The following DNAJC1 variants were observed in gnomAD, a reference collection of about 807,000 sequenced individuals.
DNAJC1 encodes the protein dnaJ homolog subfamily C member 1.
DNAJC1 carries 58 observed loss-of-function variants against 76.6 expected under a neutral mutation model. That is an observed-to-expected ratio of 0.76 (90% CI 0.61 to 0.94). The LOEUF is 0.94. Among genes scored for constraint, DNAJC1 ranks in the 40% least tolerant of loss-of-function variants. DNAJC1 has a pLI of 0.00. For missense variants in DNAJC1, 689 were observed against 677.3 expected (o/e 1.02, Z -0.19); for synonymous variants, 258 against 267.9 (o/e 0.96, Z 0.36).
intron 3 of DNAJC1, among the ~76,000 whole-genome samples, chr10:21,922,655 G>T (rs1269754822): frequency 6.6e-6 from 1 of 151,866 alleles, no homozygotes; most frequent in East Asian, 1.9e-4. Context: ...TATAAATACT[G>T]ATTCATTTTA....
intron 8 of DNAJC1, among the ~76,000 whole-genome samples, chr10:21,811,126 A>G (rs1367996878): frequency 6.6e-6 from 1 of 152,000 alleles, no homozygotes; most frequent in Non-Finnish European, 1.5e-5. Context: ...CCTTTGATAC[A>G]CTCACTCGGG....
At chr10:21,941,023 G>A (rs1219384570) in intron 1 of DNAJC1, among the ~76,000 whole-genome samples, 1 of 150,702 alleles carries the variant, frequency 6.6e-6, no homozygotes, top group African/African-American at 2.4e-5. Flanking sequence ...AGGCCAAGGC[G>A]GGCGGATCAC....
At chr10:21,888,069 G>A (rs1836396311) in intron 7 of DNAJC1, among the ~76,000 whole-genome samples, 1 of 152,046 alleles carries the variant, frequency 6.6e-6, no homozygotes, top group African/African-American at 2.4e-5. Context: ...TAAAAAGTGG[G>A]CAAATGACAT....
chr10:21,813,204 CTCTCTCTCTCTCTCTCTATATA>C (rs1276849424), intron 8 of DNAJC1, among the ~76,000 whole-genome samples: 12 of 77,188 alleles, frequency 1.6e-4, no homozygotes, highest in Admixed American at 5.3e-4. Flanking sequence ...CTCTCTCTCT[CTCTCTCTCTCTCTCTCTATATA>C]TATATATATA....
chr10:21,830,030 G>T (rs931619398), intron 8 of DNAJC1, among the ~76,000 whole-genome samples: 1 of 152,104 alleles, frequency 6.6e-6, no homozygotes, highest in Non-Finnish European at 1.5e-5. Context: ...TTAAATACAA[G>T]AATCCTAAAA....
intron 11 of DNAJC1, among the ~76,000 whole-genome samples, chr10:21,757,560 A>G (rs1834190711): frequency 6.6e-6 from 1 of 152,232 alleles, no homozygotes; most frequent in African/African-American, 2.4e-5. Context: ...TGGTGTTATG[A>G]GAGTCTCTTC....
At chr10:21,772,426 T>C (rs1262665354) in intron 9 of DNAJC1, among the ~76,000 whole-genome samples, 2 of 152,064 alleles carry the variant, frequency 1.3e-5, no homozygotes, top group South Asian at 4.1e-4. Context: ...TCTATTAAAA[T>C]GGTCTGTTTC....
At chr10:21,837,109 C>T (rs1393363225) in intron 8 of DNAJC1, among the ~76,000 whole-genome samples, 3 of 152,186 alleles carry the variant, frequency 2.0e-5, no homozygotes, top group South Asian at 4.1e-4. Context: ...GATGGGGTTT[C>T]GCTGTGTTGG....
chr10:21,868,250 G>A (rs908907929), intron 8 of DNAJC1, among the ~76,000 whole-genome samples: 2 of 149,946 alleles, frequency 1.3e-5, no homozygotes, highest in Admixed American at 6.6e-5. Flanking sequence ...TCAGCCTCCC[G>A]AGTAGCTGGG....
intron 8 of DNAJC1, among the ~76,000 whole-genome samples, chr10:21,832,514 C>A (rs1463744363): frequency 6.6e-6 from 1 of 152,066 alleles, no homozygotes; most frequent in South Asian, 2.1e-4. Context: ...CTAACCATGC[C>A]CCATATTTTT....
intron 8 of DNAJC1, among the ~76,000 whole-genome samples, chr10:21,815,768 C>T (rs920427122): frequency 6.7e-6 from 1 of 150,216 alleles, no homozygotes; most frequent in Non-Finnish European, 1.5e-5. Flanking sequence ...TTTTTTGAGA[C>T]GGAGTTTCCC....
rs867773208 is a variant in DNAJC1 at position 22,003,593 on chromosome 10, G to A, written c.-159C>T. 1.2e-4 allele frequency: 107 copies of A among 879,196 alleles called. No homozygotes were observed. The highest frequency in any genetic ancestry group is 4.1e-4 in the Middle Eastern group (1 of 2,464). 54.5% of individuals were successfully genotyped at this position (879,196 alleles called of 1,614,324 possible). On this transcript the variant is annotated 5_prime_UTR_variant, in exon 1 of 12. Coordinates refer to ENST00000376980, the MANE Select transcript of DNAJC1 (RefSeq NM_022365.4). The stretch of plus-strand genomic sequence containing the variant: ...AGGTGGCTGGCCCCAGACAGAGCGC[G>A]GAGGCGGCGGGAGCCGGCTGCCGGA...
At chr10:21,981,155 T>C (rs1838150046) in intron 1 of DNAJC1, among the ~76,000 whole-genome samples, 1 of 152,202 alleles carries the variant, frequency 6.6e-6, no homozygotes, top group South Asian at 2.1e-4. Flanking sequence ...TCATCTTTAC[T>C]GAAGTCAAAC....
intron 1 of DNAJC1, among the ~76,000 whole-genome samples, chr10:21,937,701 A>G (rs539534765): frequency 7.9e-5 from 12 of 152,268 alleles, no homozygotes; most frequent in Non-Finnish European, 1.8e-4. Flanking sequence ...GCCAAGATAT[A>G]CCCTATTTTA....
intron 1 of DNAJC1, among the ~76,000 whole-genome samples, chr10:21,994,553 C>A (rs551464558): frequency 6.6e-6 from 1 of 152,064 alleles, no homozygotes; most frequent in African/African-American, 2.4e-5. Flanking sequence ...CTTTGGGAGG[C>A]CGAGACAGGT....
intron 3 of DNAJC1, among the ~76,000 whole-genome samples, chr10:21,925,901 T>C (rs1054963715): frequency 2.6e-5 from 4 of 152,252 alleles, no homozygotes; most frequent in African/African-American, 7.2e-5. Context: ...CACTTAACTG[T>C]ACACTTAAAA....
chr10:21,857,774 T>A (rs1835860600), intron 8 of DNAJC1, among the ~76,000 whole-genome samples: 1 of 152,084 alleles, frequency 6.6e-6, no homozygotes, highest in South Asian at 2.1e-4. Flanking sequence ...GAAAACTGCT[T>A]GTACCTGGGA....
intron 8 of DNAJC1, among the ~76,000 whole-genome samples, chr10:21,827,225 C>T (rs1254202837): frequency 2.0e-5 from 3 of 152,246 alleles, no homozygotes; most frequent in South Asian, 2.1e-4. Context: ...TACTGGAGGT[C>T]AGTTTCCTCC....
intron 6 of DNAJC1, among the ~76,000 whole-genome samples, chr10:21,913,097 G>C (rs1418762364): frequency 1.3e-5 from 2 of 151,622 alleles, no homozygotes; most frequent in Non-Finnish European, 2.9e-5. Flanking sequence ...GTGGGGATAT[G>C]CATGCTGGAA....
Sources: allele counts gnomAD v4.1 joint callset (sites outside exome capture counted in the v4.1 genomes callset), GRCh38; gene constraint gnomAD v4.1.1; transcripts MANE v1.5; gene names NCBI Gene and HGNC (gene_info 2026-07-23, HGNC 2026-07-21).